FBN2: variants seen among roughly 807,000 people sequenced by gnomAD.
The protein encoded by FBN2 is fibrillin-2.
A neutral mutation model predicts 355.6 loss-of-function variants in FBN2; 105 were observed. The ratio of observed to expected loss-of-function variants is 0.30; its 90% CI spans 0.25 to 0.35. The LOEUF is 0.35. FBN2 is among the 10% of genes least tolerant of loss of function. The pLI, the probability that FBN2 is intolerant of heterozygous loss-of-function variation, is 1.00. For synonymous variants in FBN2, 1,350 were observed against 1,301.2 expected (o/e 1.04, Z -0.81); for missense variants, 3,280 against 3,758.7 (o/e 0.87, Z 3.33).
intron 37 of FBN2, 129 bp downstream of exon 37, chr5:128,312,505 A>C: frequency 1.1e-6 from 1 of 915,170 alleles, no homozygotes; most frequent in East Asian, 2.4e-5. Context: ...TGATCACTGA[A>C]AGTAGTTCAA....
At chr5:128,408,995 C>G (rs1359257440) in intron 7 of FBN2, among the ~76,000 whole-genome samples, 196 bp from the exon 8 acceptor site, 1 of 152,094 alleles carries the variant, frequency 6.6e-6, no homozygotes, top group Non-Finnish European at 1.5e-5. Context: ...AGTAAACTCC[C>G]ATGGCAGTTA....
chr5:128,468,226 T>A, intron 5 of FBN2, among the ~76,000 whole-genome samples: 1 of 152,178 alleles, frequency 6.6e-6, no homozygotes, highest in East Asian at 1.9e-4. Flanking sequence ...TTCTTTCACC[T>A]AGCATAATGT....
At chr5:128,420,443 A>T (rs1166773900) in intron 7 of FBN2, among the ~76,000 whole-genome samples, 1 of 152,232 alleles carries the variant, frequency 6.6e-6, no homozygotes, top group Non-Finnish European at 1.5e-5. Flanking sequence ...ACAGCATAAA[A>T]GTATACATCA....
rs28763930 is a variant in FBN2 at position 128,288,637 on chromosome 5, C to A, written c.6638-80G>T. ...TGCCCAGGAAGACCCATGCTTGGCC[C>A]TCACCCATTTCCAGGATCTGAGAAG... On this transcript the variant is annotated intron_variant, in intron 52 of 64. Transcript: ENST00000262464. 6.7e-4 allele frequency: 1,024 copies of A among 1,517,768 alleles called. 8 individuals are homozygous for A. In the African/African-American group the frequency reaches 0.013, roughly 19 times the overall value. The allele number at this position is 1,517,768 out of a possible 1,614,324, so 94.0% of individuals were successfully genotyped here.
intron 5 of FBN2, among the ~76,000 whole-genome samples, chr5:128,467,603 A>G (rs1754746410): frequency 6.6e-6 from 1 of 152,160 alleles, no homozygotes; most frequent in South Asian, 2.1e-4. Context: ...TCTCTTCCTA[A>G]AAGTTGCACT....
chr5:128,380,995 AT>A (rs3840348), intron 11 of FBN2, among the ~76,000 whole-genome samples: 9,562 of 152,212 alleles, frequency 0.063, 402 homozygotes, highest in Non-Finnish European at 0.088. Flanking sequence ...AAAATTGTTA[AT>A]TTCTCAAATA....
chr5:128,291,667 G>A lies in FBN2; in HGVS notation c.6167-13C>T, dbSNP rs1315944744. 6.2e-7 allele frequency: 1 copy of A among 1,612,540 alleles called. No individual in the cohort carries two copies. The highest frequency in any genetic ancestry group is 1.1e-5 in the South Asian group (1 of 90,916). On this transcript the variant is annotated splice_polypyrimidine_tract_variant and intron_variant, in intron 48 of 64. Transcript: ENST00000262464. ...CATTCATTTATATCTGCAGAACAGG[G>A]GGAGTATTTATTAGCCATTCAACAC...
chr5:128,489,615 A>G (rs1755444625), intron 5 of FBN2, among the ~76,000 whole-genome samples: 1 of 152,190 alleles, frequency 6.6e-6, no homozygotes, highest in Non-Finnish European at 1.5e-5. Flanking sequence ...ATTATTTGTA[A>G]TAATAAAAAC....
intron 7 of FBN2, among the ~76,000 whole-genome samples, chr5:128,437,008 T>G (rs926373069): frequency 5.9e-5 from 9 of 152,194 alleles, no homozygotes; most frequent in African/African-American, 2.2e-4. Flanking sequence ...TGACCTAAGC[T>G]GCTCACACAG....
At chr5:128,425,582 G>A (rs1753462677) in intron 7 of FBN2, among the ~76,000 whole-genome samples, 1 of 152,108 alleles carries the variant, frequency 6.6e-6, no homozygotes, top group Non-Finnish European at 1.5e-5. Flanking sequence ...GCATAATGCA[G>A]TAAGAACATT....
chr5:128,312,313 G>T (rs776025295), intron 37 of FBN2, among the ~76,000 whole-genome samples: 16 of 152,180 alleles, frequency 1.1e-4, no homozygotes, highest in Non-Finnish European at 1.8e-4. Context: ...ACACACCTAT[G>T]AAGCTGAACT....
intron 35 of FBN2, 97 bp from the exon 36 acceptor site, chr5:128,318,368 G>C (rs1312979274): frequency 1.7e-6 from 2 of 1,209,248 alleles, no homozygotes; most frequent in African/African-American, 1.5e-5. Flanking sequence ...CAAGTGAGTA[G>C]ATTAAAGATC....
chr5:128,521,439 T>C (rs1756432226), intron 4 of FBN2, among the ~76,000 whole-genome samples: 1 of 152,120 alleles, frequency 6.6e-6, no homozygotes, highest in African/African-American at 2.4e-5. Context: ...AGGTGATAGG[T>C]TGATAGGTGC....
Position 128,311,570 on chromosome 5 carries a change from G to A in FBN2, c.4949-145C>T, listed in dbSNP as rs2291629. On this transcript the variant is annotated intron_variant, in intron 38 of 64. Transcript: ENST00000262464. The stretch of plus-strand genomic sequence containing the variant: ...CACACTTAGATGGCAAGTTTATTCT[G>A]CTCAAATATCTTCTTGGCTTTGTCA... 1.9e-3 allele frequency: 1,640 copies of A among 848,754 alleles called. 20 individuals carry two copies. The East Asian group carries it at 0.025, about 13-fold the overall frequency. The allele number at this position is 848,754 out of a possible 1,614,324, so 52.6% of individuals were successfully genotyped here.
At chr5:128,261,341 C>A (rs948602118) in intron 64 of FBN2, among the ~76,000 whole-genome samples, 4 of 152,182 alleles carry the variant, frequency 2.6e-5, no homozygotes, top group Non-Finnish European at 5.9e-5. Context: ...GAATATGAGA[C>A]CTACTTGGTT....
chr5:128,295,223 GT>G (rs1749469282), intron 48 of FBN2, among the ~76,000 whole-genome samples: 1 of 150,590 alleles, frequency 6.6e-6, no homozygotes, highest in Admixed American at 6.6e-5. Flanking sequence ...GTACCATGCT[GT>G]TTTGGTTACT....
At chr5:128,374,891 A>G (rs1752042497) in intron 14 of FBN2, 141 bp from the exon 15 acceptor site, 4 of 846,122 alleles carry the variant, frequency 4.7e-6, no homozygotes, top group Non-Finnish European at 7.6e-6. Context: ...GTGTGGTAAC[A>G]GGTATCATAT....
intron 7 of FBN2, among the ~76,000 whole-genome samples, chr5:128,422,609 T>C (rs1452929151): frequency 6.6e-6 from 1 of 152,188 alleles, no homozygotes; most frequent in Non-Finnish European, 1.5e-5. Flanking sequence ...ATGGAATTAA[T>C]GTGCAGAGCT....
intron 48 of FBN2, among the ~76,000 whole-genome samples, chr5:128,297,514 G>T (rs1749558674): frequency 6.6e-6 from 1 of 152,074 alleles, no homozygotes; most frequent in African/African-American, 2.4e-5. Context: ...TATGAATCTG[G>T]GTGCTCCTGT....
Sources: gnomAD v4.1 joint callset for allele counts (sites outside exome capture counted in the v4.1 genomes callset) on GRCh38, gnomAD v4.1.1 for gene constraint, MANE v1.5 for transcripts, NCBI Gene and HGNC (gene_info 2026-07-23, HGNC 2026-07-21) for gene names.